The following EIF4E variants were observed in gnomAD, a reference collection of about 807,000 sequenced individuals.
EIF4E encodes eukaryotic translation initiation factor 4E, also known as eIF-4F 25 kDa subunit.
For synonymous variants in EIF4E, 71 were observed against 88.5 expected (o/e 0.80, Z 1.11); for missense variants, 113 against 265.6 (o/e 0.43, Z 3.99).
At chr4:98,885,161 T>C in intron 5 of EIF4E, 100 bp from the exon 6 acceptor site, 4 of 1,387,458 alleles carry the variant, frequency 2.9e-6, no homozygotes, top group Non-Finnish European at 4.0e-6. Flanking sequence ...AGGCAGTTTT[T>C]AAATCAAGAG....
intron 1 of EIF4E, among the ~76,000 whole-genome samples, chr4:98,903,801 A>C (rs149804893): frequency 6.6e-6 from 1 of 152,348 alleles, no homozygotes; most frequent in African/African-American, 2.4e-5. Context: ...GAAAATTGAC[A>C]TACAGTAAGT....
At chr4:98,915,371 G>T (rs1725332740) in intron 1 of EIF4E, among the ~76,000 whole-genome samples, 1 of 151,584 alleles carries the variant, frequency 6.6e-6, no homozygotes, top group Non-Finnish European at 1.5e-5. Flanking sequence ...ACACCTAGTT[G>T]TTGAGATTAC....
chr4:98,891,579 CT>C, intron 2 of EIF4E: 2 of 494,886 alleles, frequency 4.0e-6, no homozygotes, highest in Non-Finnish European at 7.2e-6. Context: ...AAGACAAATA[CT>C]GTATGATTCC....
At chr4:98,927,656 A>T (rs1236705802) in intron 1 of EIF4E, among the ~76,000 whole-genome samples, 1 of 39,814 alleles carries the variant, frequency 2.5e-5, no homozygotes, top group Non-Finnish European at 4.0e-5. Context: ...CTCCATCTCA[A>T]AAAAAAAAAA....
chr4:98,901,868 A>G lies in EIF4E; in HGVS notation c.125+8T>C, dbSNP rs1396289745. The G allele has an allele frequency of 6.2e-7, 1 of 1,611,130 alleles. No individual in the cohort carries two copies. Among genetic ancestry groups the G allele is most frequent in the Non-Finnish European group, 8.5e-7 (1 of 1,179,172 alleles). ...TAACTCAGAAAACCTAGGTGTTAGA[A>G]AGCTTACCTGTTCTGTAGGGGATGT... On this transcript the variant is annotated splice_region_variant and intron_variant, in intron 2 of 6. Coordinates refer to ENST00000450253, the MANE Select transcript of EIF4E (RefSeq NM_001968.5).
chr4:98,928,845 C>G (rs560778195), intron 1 of EIF4E: 4 of 1,533,206 alleles, frequency 2.6e-6, no homozygotes, highest in Non-Finnish European at 3.5e-6. Flanking sequence ...CCGCAGGAGG[C>G]GCCACGCCGC....
At chr4:98,925,568 CA>C (rs1324878317) in intron 1 of EIF4E, among the ~76,000 whole-genome samples, 12 of 152,156 alleles carry the variant, frequency 7.9e-5, no homozygotes, top group Admixed American at 7.9e-4. Flanking sequence ...TCAAGCTTCT[CA>C]ACAAATTTAA....
intron 6 of EIF4E, 36 bp downstream of exon 6, chr4:98,884,886 A>C: frequency 6.2e-7 from 1 of 1,610,274 alleles, no homozygotes; most frequent in Non-Finnish European, 8.5e-7. Flanking sequence ...ACTCATCTTA[A>C]TACTGTAAAA....
rs568049633 is a variant in EIF4E at position 98,881,810 on chromosome 4, G to A, written c.540-668C>T. On this transcript the variant is annotated intron_variant, in intron 6 of 6. Coordinates refer to ENST00000450253, the MANE Select transcript of EIF4E (RefSeq NM_001968.5). ...ACAACCTAATTTTCAAGTAAGACAT[G>A]ACTCTATTGCAAGAATAAAATGGCA... Among the ~76,000 whole-genome samples the A allele has an allele frequency of 3.9e-5, 6 of 152,264 alleles. No homozygotes were observed. The South Asian group carries it at 1.2e-3, about 32-fold the overall frequency.
At chr4:98,896,667 CAAAAAAAA>C (rs61329973) in intron 2 of EIF4E, among the ~76,000 whole-genome samples, 1 of 47,680 alleles carries the variant, frequency 2.1e-5, no homozygotes, top group African/African-American at 8.0e-5. Context: ...ATGTCTCTTC[CAAAAAAAA>C]AAAAAAAAAA....
chr4:98,892,326 AAC>A (rs1434040711), intron 2 of EIF4E, among the ~76,000 whole-genome samples: 3 of 138,446 alleles, frequency 2.2e-5, no homozygotes, highest in African/African-American at 2.9e-5. Flanking sequence ...CATCTCAAAA[AAC>A]AAAAAAACAA....
intron 1 of EIF4E, among the ~76,000 whole-genome samples, chr4:98,902,510 T>C (rs1724694137): frequency 6.6e-6 from 1 of 152,194 alleles, no homozygotes; most frequent in African/African-American, 2.4e-5. Context: ...AATTTGAAAA[T>C]ATAACAGTAT....
At chr4:98,883,604 C>T (rs937679994) in intron 6 of EIF4E, among the ~76,000 whole-genome samples, 5 of 151,590 alleles carry the variant, frequency 3.3e-5, no homozygotes, top group South Asian at 2.1e-4. Flanking sequence ...GGGGTTTCAC[C>T]GTGTTGGCCA....
intron 2 of EIF4E, 97 bp from the exon 3 acceptor site, chr4:98,891,429 G>A (rs1724138548): frequency 2.0e-6 from 2 of 1,000,218 alleles, no homozygotes. Context: ...CAACCCACCT[G>A]TCCATCAACA....
chr4:98,885,186 G>T, intron 5 of EIF4E, 125 bp from the exon 6 acceptor site: 1 of 1,171,762 alleles, frequency 8.5e-7, no homozygotes, highest in Non-Finnish European at 1.2e-6. Context: ...TTTTTTAAAT[G>T]TGTAAATTTT....
intron 2 of EIF4E, among the ~76,000 whole-genome samples, chr4:98,900,859 A>G (rs1724613986): frequency 6.6e-6 from 1 of 152,166 alleles, no homozygotes; most frequent in South Asian, 2.1e-4. Context: ...CCCCTTTTCT[A>G]GTCTCTCACT....
chr4:98,887,285 C>A lies in EIF4E; in HGVS notation c.286-93G>T, dbSNP rs927522079. The A allele has an allele frequency of 1.5e-6, 2 of 1,300,362 alleles. No homozygotes were observed. 80.6% of individuals were successfully genotyped at this position (1,300,362 alleles called of 1,614,324 possible). ...AACAGTTAAGCAACAACACTGTCAA[C>A]TTCTTACTTTATTGCCCATAAAACT... On this transcript the variant is annotated intron_variant, in intron 4 of 6. Transcript: ENST00000450253. The surrounding 1 kb of genome is among the most constrained non-coding windows in gnomAD (Gnocchi z 4.0).
In EIF4E at chr4:98,883,464, T is replaced by C. The variant is rs182494642; in HGVS notation, c.539+1458A>G. Among the ~76,000 whole-genome samples the C allele has an allele frequency of 9.9e-3, 1,287 of 130,036 alleles. 14 individuals are homozygous for C. The highest frequency in any genetic ancestry group is 0.014 in the Non-Finnish European group (895 of 64,300). 85.3% of individuals were successfully genotyped at this position (130,036 alleles called of 152,430 possible). A position where few individuals can be genotyped will look rare whatever the true frequency, so the allele number is the denominator to read the frequency against. On this transcript the variant is annotated intron_variant, in intron 6 of 6. Transcript: ENST00000450253. ...CCCAGGCTGGAGCGCAGTGGCCCAA[T>C]CTTGGCTCACTGCAAGCTCCGCCTC...
At chr4:98,914,509 T>C (rs766605469) in intron 1 of EIF4E, among the ~76,000 whole-genome samples, 5 of 149,282 alleles carry the variant, frequency 3.3e-5, no homozygotes, top group Non-Finnish European at 5.9e-5. Flanking sequence ...TAAAAAGACG[T>C]AGAAGGAACT....
Sources: gnomAD v4.1 joint callset for allele counts (sites outside exome capture counted in the v4.1 genomes callset) on GRCh38, gnomAD v4.1.1 for gene constraint, Gnocchi (gnomAD v3.1) non-coding constraint, MANE v1.5 for transcripts, NCBI Gene and HGNC (gene_info 2026-07-23, HGNC 2026-07-21) for gene names.